Variants in ANO6 observed in about 807,000 individuals in gnomAD.
ANO6 encodes the protein anoctamin 6, also known as anoctamin-6.
In ANO6, 106 loss-of-function variants were observed where a neutral mutation model predicts 117.5. That is an observed-to-expected ratio of 0.90 (90% CI 0.77 to 1.06). ANO6 has a LOEUF of 1.06. Among genes scored for constraint, ANO6 ranks in the 50% least tolerant of loss-of-function variants. The probability of loss-of-function intolerance (pLI) is 0.00; values close to 1 mark genes in which losing one functional copy is unlikely to be tolerated. For missense variants in ANO6, 955 were observed against 1,121.1 expected (o/e 0.85, Z 2.12); for synonymous variants, 367 against 385.1 (o/e 0.95, Z 0.55).
chr12:45,293,862 C>T (rs1282322826), intron 1 of ANO6, among the ~76,000 whole-genome samples: 1 of 148,502 alleles, frequency 6.7e-6, no homozygotes, highest in Non-Finnish European at 1.5e-5. Flanking sequence ...GGATTACAAG[C>T]GTGAGCCACT....
intron 4 of ANO6, 37 bp from the exon 5 acceptor site, chr12:45,347,991 T>C (rs755824216): frequency 6.3e-7 from 1 of 1,594,288 alleles, no homozygotes; most frequent in East Asian, 2.2e-5. Flanking sequence ...TGAAAAGAGT[T>C]GGTTTCTTGT....
At chr12:45,323,059 C>T (rs1198103471) in intron 2 of ANO6, among the ~76,000 whole-genome samples, 1 of 152,194 alleles carries the variant, frequency 6.6e-6, no homozygotes, top group Non-Finnish European at 1.5e-5. Context: ...GGCTCTGGTT[C>T]TGTTTATAAT....
At chr12:45,276,425 T>C (rs1159312630) in intron 1 of ANO6, among the ~76,000 whole-genome samples, 1 of 152,190 alleles carries the variant, frequency 6.6e-6, no homozygotes, top group Non-Finnish European at 1.5e-5. Flanking sequence ...CACACCGATC[T>C]TTGATCATAT....
chr12:45,365,542 T>G (rs1941662943), intron 8 of ANO6, among the ~76,000 whole-genome samples: 1 of 152,136 alleles, frequency 6.6e-6, no homozygotes, highest in Non-Finnish European at 1.5e-5. Context: ...ATCCTGCGCA[T>G]GGAGCTTTTT....
In ANO6 at chr12:45,411,091, T is replaced by A. The variant is rs141458815; in HGVS notation, c.2011+1604T>A. 1.4e-3 allele frequency among the ~76,000 whole-genome samples: 215 copies of A among 152,352 alleles called. 2 individuals are homozygous for A. Among genetic ancestry groups the A allele is most frequent in the African/African-American group, 4.9e-3 (204 of 41,590 alleles). Reference sequence around the variant, plus strand: ...GAGTCATAATTGTAAATATTTCTTATTGGAACTATTAACAGCATTTTTAAA... The same window carrying A: ...GAGTCATAATTGTAAATATTTCTTAATGGAACTATTAACAGCATTTTTAAA... On this transcript the variant is annotated intron_variant, in intron 16 of 19. Coordinates refer to ENST00000320560, the MANE Select transcript of ANO6 (RefSeq NM_001025356.3).
chr12:45,285,309 A>G (rs1938872367), intron 1 of ANO6, among the ~76,000 whole-genome samples: 1 of 152,230 alleles, frequency 6.6e-6, no homozygotes, highest in Non-Finnish European at 1.5e-5. Context: ...TAGCACCTGA[A>G]TATAATTTTA....
chr12:45,393,607 TAC>T (rs1476052695), intron 12 of ANO6, among the ~76,000 whole-genome samples: 16 of 152,258 alleles, frequency 1.1e-4, no homozygotes, highest in African/African-American at 3.6e-4. Flanking sequence ...AAGGCCGAGT[TAC>T]CCACAAAGGG....
At chr12:45,399,547 A>G (rs929699829) in intron 12 of ANO6, among the ~76,000 whole-genome samples, 2 of 151,838 alleles carry the variant, frequency 1.3e-5, no homozygotes, top group African/African-American at 2.4e-5. Context: ...TCTCTTTCCC[A>G]TGGGCACTAA....
chr12:45,234,833 A>G (rs750205941), intron 1 of ANO6, among the ~76,000 whole-genome samples: 7 of 151,252 alleles, frequency 4.6e-5, no homozygotes, highest in Non-Finnish European at 7.4e-5. Context: ...AGCATTTACT[A>G]TCAGTCCAGC....
chr12:45,318,536 A>G (rs1488367000), intron 2 of ANO6, among the ~76,000 whole-genome samples: 1 of 152,168 alleles, frequency 6.6e-6, no homozygotes, highest in African/African-American at 2.4e-5. Flanking sequence ...GCCTTGTAGT[A>G]TAGTTTGAAG....
At chr12:45,217,017 C>T (rs1242323627) in intron 1 of ANO6, among the ~76,000 whole-genome samples, 1 of 152,170 alleles carries the variant, frequency 6.6e-6, no homozygotes, top group Non-Finnish European at 1.5e-5. Flanking sequence ...CTTTTTCACT[C>T]GTCCTGAGGG....
intron 9 of ANO6, among the ~76,000 whole-genome samples, chr12:45,375,049 A>G (rs1170168313): frequency 6.6e-6 from 1 of 151,968 alleles, no homozygotes; most frequent in East Asian, 1.9e-4. Flanking sequence ...AAGCATTCTT[A>G]TACACCAACA....
At chr12:45,310,896 TC>T (rs71093874) in intron 2 of ANO6, among the ~76,000 whole-genome samples, 8,106 of 152,092 alleles carry the variant, frequency 0.053, 527 homozygotes, top group East Asian at 0.35. Context: ...GAAGCACTAA[TC>T]TCCATATTCC....
intron 4 of ANO6, 58 bp downstream of exon 4, chr12:45,347,145 C>T: frequency 6.5e-7 from 1 of 1,530,900 alleles, no homozygotes; most frequent in Admixed American, 1.7e-5. Context: ...CAGCTTCGTG[C>T]CACTTGGAAT....
chr12:45,358,701 AT>A (rs1941475118), intron 8 of ANO6, among the ~76,000 whole-genome samples: 1 of 152,040 alleles, frequency 6.6e-6, no homozygotes, highest in African/African-American at 2.4e-5. Context: ...ATTATGAGAT[AT>A]CTTTAAAATA....
chr12:45,380,334 T>A (rs1942137370), intron 10 of ANO6, among the ~76,000 whole-genome samples: 1 of 152,252 alleles, frequency 6.6e-6, no homozygotes, highest in South Asian at 2.1e-4. Flanking sequence ...CTTGGCTGCA[T>A]GACTGCAATG....
At chr12:45,245,488 A>C (rs906916007) in intron 1 of ANO6, among the ~76,000 whole-genome samples, 2 of 148,172 alleles carry the variant, frequency 1.3e-5, no homozygotes, top group Non-Finnish European at 3.0e-5. Flanking sequence ...AGTAGTGTCC[A>C]TGGCTCTTTA....
rs1170579538 is a variant in ANO6, at chr12:45,431,246, G to A, written c.*1935G>A. ...CACTGAAGGAAACTCTTTCTCATTC[G>A]CAGCCAAGACGGGAGTGCCACTGTT... On this transcript the variant is annotated 3_prime_UTR_variant, in exon 20 of 20. Coordinates refer to ENST00000320560, the MANE Select transcript of ANO6 (RefSeq NM_001025356.3). 2.0e-6 allele frequency: 2 copies of A among 985,318 alleles called. No homozygotes were observed. Among genetic ancestry groups the A allele is most frequent in the Non-Finnish European group, 2.4e-6 (2 of 829,924 alleles). The allele number at this position is 985,318 out of a possible 1,614,324, so 61.0% of individuals were successfully genotyped here.
intron 1 of ANO6, among the ~76,000 whole-genome samples, chr12:45,217,916 G>C (rs1347926303): frequency 6.6e-6 from 1 of 152,210 alleles, no homozygotes; most frequent in Admixed American, 6.5e-5. Context: ...AGCTCAAATG[G>C]AAACTGAAGT....
Sources: allele counts gnomAD v4.1 joint callset (sites outside exome capture counted in the v4.1 genomes callset), GRCh38; gene constraint gnomAD v4.1.1; transcripts MANE v1.5; gene names NCBI Gene and HGNC (gene_info 2026-07-23, HGNC 2026-07-21).